The following CNTN3 variants were observed in gnomAD, a reference collection of about 807,000 sequenced individuals.
The protein encoded by CNTN3 is contactin 3.
In CNTN3, 60 loss-of-function variants were observed where a neutral mutation model predicts 119.1. That is an observed-to-expected ratio of 0.50 (90% confidence interval 0.41 to 0.62). CNTN3 has a LOEUF of 0.62. Among genes scored for constraint, CNTN3 ranks in the 20% least tolerant of loss-of-function variants. CNTN3 has a pLI of 0.00. For missense variants in CNTN3, 1,101 were observed against 1,242.4 expected (o/e 0.89, Z 1.71); for synonymous variants, 450 against 438.7 (o/e 1.03, Z -0.32).
intron 4 of CNTN3, among the ~76,000 whole-genome samples, chr3:74,475,393 C>A (rs1559622038): frequency 6.6e-6 from 1 of 152,094 alleles, no homozygotes; most frequent in Non-Finnish European, 1.5e-5. Flanking sequence ...GTAATTAGGG[C>A]ATGGAGGATG....
chr3:74,397,467 A>T (rs568643614), intron 5 of CNTN3, among the ~76,000 whole-genome samples: 1 of 151,344 alleles, frequency 6.6e-6, no homozygotes, highest in South Asian at 2.1e-4. Context: ...AAACTTGATC[A>T]ATAAATGTTC....
chr3:74,551,714 G>A (rs1259431234), intron 1 of CNTN3, among the ~76,000 whole-genome samples: 2 of 99,158 alleles, frequency 2.0e-5, no homozygotes, highest in African/African-American at 3.6e-5. Flanking sequence ...GAATCATTTA[G>A]TATGTAGTCT....
intron 10 of CNTN3, among the ~76,000 whole-genome samples, chr3:74,362,411 G>C (rs918820265): frequency 7.2e-5 from 11 of 152,186 alleles, no homozygotes; most frequent in Admixed American, 3.3e-4. Context: ...TTGGTACAGT[G>C]CCTAGCATTC....
At chr3:74,315,719 G>A (rs925522627) in intron 13 of CNTN3, among the ~76,000 whole-genome samples, 3 of 152,114 alleles carry the variant, frequency 2.0e-5, no homozygotes, top group Non-Finnish European at 2.9e-5. Flanking sequence ...AAGTGAAATT[G>A]AAAAAGATCT....
intron 20 of CNTN3, among the ~76,000 whole-genome samples, chr3:74,284,895 TGGAG>T (rs1702078728): frequency 6.6e-6 from 1 of 152,162 alleles, no homozygotes; most frequent in Non-Finnish European, 1.5e-5. Flanking sequence ...TTTTGTATGA[TGGAG>T]GAAAGAAAGA....
chr3:74,399,559 T>G (rs1705139851), intron 5 of CNTN3, among the ~76,000 whole-genome samples: 1 of 152,218 alleles, frequency 6.6e-6, no homozygotes, highest in Non-Finnish European at 1.5e-5. Context: ...GGCATTCCAG[T>G]TGATTCCCTG....
chr3:74,351,831 T>A (rs1158068690), intron 11 of CNTN3, among the ~76,000 whole-genome samples: 1 of 152,234 alleles, frequency 6.6e-6, no homozygotes, highest in East Asian at 1.9e-4. Context: ...ACTCTTCTCC[T>A]GATTATCTTC....
chr3:74,583,783 A>G (rs1353186116), intron 1 of CNTN3, among the ~76,000 whole-genome samples: 1 of 152,228 alleles, frequency 6.6e-6, no homozygotes, highest in Non-Finnish European at 1.5e-5. Context: ...TACATTTTAA[A>G]GACAGAATTG....
At chr3:74,444,641 C>T (rs1488695970) in intron 4 of CNTN3, among the ~76,000 whole-genome samples, 1 of 152,094 alleles carries the variant, frequency 6.6e-6, no homozygotes, top group African/African-American at 2.4e-5. Flanking sequence ...CCTACCCAAA[C>T]TGGTACTTTA....
At chr3:74,288,754 C>T (rs541194061) in intron 19 of CNTN3, among the ~76,000 whole-genome samples, 90 of 152,214 alleles carry the variant, frequency 5.9e-4, no homozygotes, top group African/African-American at 2.1e-3. Context: ...TGCACTAGAA[C>T]GTGGGAGCTT....
chr3:74,358,406 T>A (rs1703991138), intron 11 of CNTN3, among the ~76,000 whole-genome samples: 1 of 150,584 alleles, frequency 6.6e-6, no homozygotes, highest in South Asian at 2.1e-4. Flanking sequence ...AAAAACACAA[T>A]CTCAATTTTG....
intron 5 of CNTN3, among the ~76,000 whole-genome samples, chr3:74,380,963 G>A (rs989208131): frequency 1.3e-5 from 2 of 151,862 alleles, no homozygotes; most frequent in African/African-American, 2.4e-5. Flanking sequence ...CAGAAATGAG[G>A]TCATTAGCAG....
intron 5 of CNTN3, among the ~76,000 whole-genome samples, chr3:74,392,337 C>T (rs1293612485): frequency 6.6e-6 from 1 of 152,026 alleles, no homozygotes; most frequent in Non-Finnish European, 1.5e-5. Context: ...TTCCTGTTTT[C>T]TTTCTTTCTT....
intron 1 of CNTN3, among the ~76,000 whole-genome samples, chr3:74,605,546 C>A (rs1704978067): frequency 6.6e-6 from 1 of 152,086 alleles, no homozygotes; most frequent in Non-Finnish European, 1.5e-5. Flanking sequence ...CTCAGCTGAG[C>A]ATTTAGTTTG....
intron 18 of CNTN3, among the ~76,000 whole-genome samples, chr3:74,297,128 C>A (rs111789222): frequency 1.6e-4 from 24 of 152,194 alleles, no homozygotes; most frequent in African/African-American, 5.8e-4. Flanking sequence ...GAATGAGATA[C>A]CGCTGCTCCT....
intron 20 of CNTN3, among the ~76,000 whole-genome samples, chr3:74,269,058 A>G (rs568784771): frequency 5.3e-4 from 81 of 151,882 alleles, no homozygotes; most frequent in African/African-American, 1.9e-3. Context: ...GAAAAAAAAA[A>G]AACAAAAAAA....
intron 3 of CNTN3, among the ~76,000 whole-genome samples, chr3:74,495,488 T>C (rs149046372): frequency 1.2e-3 from 180 of 152,168 alleles, no homozygotes; most frequent in Admixed American, 2.1e-3. Flanking sequence ...TGTGTGTATA[T>C]ATACATATAG....
At chr3:74,446,754 T>C (rs909099907) in intron 4 of CNTN3, among the ~76,000 whole-genome samples, 3 of 151,550 alleles carry the variant, frequency 2.0e-5, no homozygotes, top group Non-Finnish European at 4.4e-5. Flanking sequence ...CCCCACATTA[T>C]ATTTCTATTG....
intron 19 of CNTN3, 103 bp downstream of exon 19, chr3:74,295,018 A>G: frequency 1.4e-6 from 1 of 716,396 alleles, no homozygotes; most frequent in Non-Finnish European, 2.2e-6. Context: ...AATTTCGGCC[A>G]AAGACAGACT....
Sources: allele counts gnomAD v4.1 joint callset (sites outside exome capture counted in the v4.1 genomes callset), GRCh38; gene constraint gnomAD v4.1.1; transcripts MANE v1.5; gene names NCBI Gene and HGNC (gene_info 2026-07-23, HGNC 2026-07-21).